SLC25A27: variants seen among roughly 807,000 people sequenced by gnomAD.
SLC25A27 encodes the protein mitochondrial uncoupling protein 4.
SLC25A27 carries 35 observed loss-of-function variants against 49.1 expected under a neutral mutation model. That is an observed-to-expected ratio of 0.71 (90% confidence interval 0.54 to 0.95). The LOEUF (loss-of-function observed/expected upper bound fraction) is 0.95. SLC25A27 is among the 40% of genes least tolerant of loss of function. The pLI is 0.00. For missense variants in SLC25A27, 339 were observed against 397.1 expected, an observed-to-expected ratio of 0.85 and a Z score of 1.24; for synonymous variants, 144 against 136.9, an observed-to-expected ratio of 1.05 and a Z score of -0.36.
chr6:46,670,068 A>G, intron 6 of SLC25A27, 67 bp from the exon 7 acceptor site: 1 of 938,036 alleles, frequency 1.1e-6, no homozygotes, highest in Admixed American at 2.5e-5. Flanking sequence ...TCTGAATACC[A>G]CATTCCCTTT....
In SLC25A27 at chr6:46,656,002, A is replaced by C; in HGVS notation, c.266A>C (p.Gln89Pro). 6.2e-7 allele frequency: 1 copy of C among 1,611,656 alleles called. No individual in the cohort carries two copies. The highest frequency in any genetic ancestry group is 8.5e-7 in the Non-Finnish European group (1 of 1,179,154). ...IEEEGFLKLW[Q>P]GVTPAIYRHV... is the part of the protein sequence containing the mutation. ...GAGGAAGGCTTTCTAAAGCTTTGGC[A>C]AGGAGTGACACCCGCCATTTACAGA... Residue 89 changes from glutamine to proline, a missense_variant, in exon 2 of 9, where the codon CAA (glutamine) becomes CCA (proline). Gln to Pro is a moderately conservative substitution (Grantham distance 76). Coordinates refer to ENST00000371347, the MANE Select transcript of SLC25A27 (RefSeq NM_004277.5).
intron 6 of SLC25A27, among the ~76,000 whole-genome samples, chr6:46,669,750 C>T (rs904306076): frequency 1.3e-5 from 2 of 152,202 alleles, no homozygotes; most frequent in African/African-American, 4.8e-5. Flanking sequence ...GGAGCTTTCC[C>T]TGACTGCCTG....
intron 6 of SLC25A27, 130 bp from the exon 7 acceptor site, chr6:46,670,005 A>T: frequency 1.8e-6 from 1 of 554,708 alleles, no homozygotes; most frequent in Non-Finnish European, 3.0e-6. Context: ...CATTAATTTT[A>T]AGCAAAAAGA....
At chr6:46,671,987 T>C (rs1763565461) in intron 8 of SLC25A27, among the ~76,000 whole-genome samples, 1 of 151,996 alleles carries the variant, frequency 6.6e-6, no homozygotes, top group African/African-American at 2.4e-5. Flanking sequence ...ATATGTATCT[T>C]TTTAATTGAG....
In SLC25A27 at chr6:46,665,405, G is replaced by A. The variant is rs181595663; in HGVS notation, c.619+519G>A. On this transcript the variant is annotated intron_variant, in intron 5 of 8. Coordinates refer to ENST00000371347, the MANE Select transcript of SLC25A27 (RefSeq NM_004277.5). ...TATTTCTTAAAAGTTTTTCCCCTCC[G>A]CCGGGTGCGGTGGCTCACACCTGTA... is the stretch of plus-strand genomic sequence containing the variant. Among the ~76,000 whole-genome samples the A allele has an allele frequency of 1.2e-3, 183 of 151,216 alleles. 2 individuals are homozygous for A. The highest frequency in any genetic ancestry group is 9.9e-3 in the Admixed American group (150 of 15,178).
intron 8 of SLC25A27, among the ~76,000 whole-genome samples, chr6:46,673,946 A>C (rs545561515): frequency 6.6e-6 from 1 of 152,300 alleles, no homozygotes; most frequent in East Asian, 1.9e-4. Context: ...TTTTAGGGAC[A>C]TTTATGGTTA....
At chr6:46,665,255 CT>C (rs1375596676) in intron 5 of SLC25A27, among the ~76,000 whole-genome samples, 1 of 152,150 alleles carries the variant, frequency 6.6e-6, no homozygotes, top group East Asian at 1.9e-4. Context: ...CCTGGCAATC[CT>C]GCTCCTATTC....
intron 5 of SLC25A27, among the ~76,000 whole-genome samples, chr6:46,665,513 G>T (rs1562038978): frequency 6.6e-6 from 1 of 151,940 alleles, no homozygotes; most frequent in African/African-American, 2.4e-5. Flanking sequence ...GTGAAACCCC[G>T]TCTCTACTAA....
intron 4 of SLC25A27, among the ~76,000 whole-genome samples, chr6:46,663,908 G>GTAT (rs1266062282): frequency 1.3e-5 from 2 of 152,142 alleles, no homozygotes; most frequent in Non-Finnish European, 1.5e-5. Context: ...AGAATTTTCA[G>GTAT]TATTAACATG....
rs1330364487 is a variant in SLC25A27 at position 46,677,985 on chromosome 6, T to A, written c.*1531T>A. Reference sequence around the variant, plus strand: ...AATCTCTTAAAATATTTAGATGGTCTACTTTTTCATTGAATTTGTCAATAT... The same window carrying A: ...AATCTCTTAAAATATTTAGATGGTCAACTTTTTCATTGAATTTGTCAATAT... On this transcript the variant is annotated 3_prime_UTR_variant, in exon 9 of 9. Coordinates refer to ENST00000371347, the MANE Select transcript of SLC25A27 (RefSeq NM_004277.5). 1 of 146,108 alleles carries A rather than the reference T, an allele frequency of 6.8e-6. No homozygotes were observed. Among genetic ancestry groups the A allele is most frequent in the African/African-American group, 2.5e-5 (1 of 39,510 alleles). The allele number at this position is 146,108 out of a possible 1,614,324, so 9.1% of individuals were successfully genotyped here.
At position 46,676,968 on chromosome 6, in the gene SLC25A27, G is replaced by A. The variant is rs992488339; in HGVS notation, c.*514G>A. On this transcript the variant is annotated 3_prime_UTR_variant, in exon 9 of 9. Transcript: ENST00000371347. ...CGTACATACTGTAAATTAAAGGGAG[G>A]TGAATGGAAATTAATGAATAAACAT... 3 of 341,052 alleles carry A rather than the reference G, an allele frequency of 8.8e-6. No individual in the cohort carries two copies. The highest frequency in any genetic ancestry group is 6.3e-5 in the African/African-American group (3 of 47,292). 21.1% of individuals were successfully genotyped at this position (341,052 alleles called of 1,614,324 possible).
At chr6:46,666,547 A>G (rs1040540761) in intron 5 of SLC25A27, among the ~76,000 whole-genome samples, 1 of 152,094 alleles carries the variant, frequency 6.6e-6, no homozygotes, top group East Asian at 1.9e-4. Flanking sequence ...TGTCTACTGT[A>G]TATTTGTGGA....
intron 8 of SLC25A27, 150 bp downstream of exon 8, chr6:46,671,378 T>C: frequency 2.1e-6 from 1 of 479,064 alleles, no homozygotes. Flanking sequence ...TTCTTTTATT[T>C]CCTTTCACTT....
rs775707337 is a variant in SLC25A27 at position 46,676,467 on chromosome 6, G to A, written c.*13G>A. On this transcript the variant is annotated 3_prime_UTR_variant, in exon 9 of 9. Transcript: ENST00000371347. ...CAGTCCATTTTAAACCCCTAAAGAT[G>A]CAACCCTTAAAGATACAGTGTTCAG... 5.0e-6 allele frequency: 8 copies of A among 1,613,738 alleles called. No individual in the cohort carries two copies. Among genetic ancestry groups the A allele is most frequent in the Non-Finnish European group, 5.9e-6 (7 of 1,179,758 alleles).
At chr6:46,656,093 C>A in intron 2 of SLC25A27, 59 bp downstream of exon 2, 2 of 1,420,160 alleles carry the variant, frequency 1.4e-6, no homozygotes, top group South Asian at 1.3e-5. Context: ...GTCTCCTGTG[C>A]TTTTCTGTTT....
At chr6:46,667,845 G>A (rs1261670423) in intron 5 of SLC25A27, among the ~76,000 whole-genome samples, 2 of 152,064 alleles carry the variant, frequency 1.3e-5, no homozygotes, top group Non-Finnish European at 2.9e-5. Flanking sequence ...TTACTTTATT[G>A]TCTCATCCCA....
chr6:46,658,803 A>C (rs187830649), intron 2 of SLC25A27, 159 bp from the exon 3 acceptor site: 3 of 640,874 alleles, frequency 4.7e-6, no homozygotes, highest in Non-Finnish European at 8.5e-6. Context: ...TTGGAGAAGC[A>C]TCAAGAAGCC....
chr6:46,656,366 T>A (rs1276153761), intron 2 of SLC25A27, among the ~76,000 whole-genome samples: 4 of 149,400 alleles, frequency 2.7e-5, no homozygotes, highest in Non-Finnish European at 5.9e-5. Context: ...TTTTTTTTTT[T>A]AGAGAGTCTC....
At position 46,653,323 on chromosome 6, in the gene SLC25A27, C is replaced by T. The variant is rs758310584; in HGVS notation, c.106+25C>T. On this transcript the variant is annotated intron_variant, in intron 1 of 8. Coordinates refer to ENST00000371347, the MANE Select transcript of SLC25A27 (RefSeq NM_004277.5). ...GGTACCCGGCTGCCCACGCCTGGGC[C>T]TCCCGGGCCAGTGGCACGCGCCGCG... 3 of 1,598,088 alleles carry T rather than the reference C, an allele frequency of 1.9e-6. No individual in the cohort carries two copies. In the South Asian group the frequency reaches 3.4e-5, roughly 18 times the overall value.
Sources: allele counts gnomAD v4.1 joint callset (sites outside exome capture counted in the v4.1 genomes callset), GRCh38; gene constraint gnomAD v4.1.1; transcripts MANE v1.5; gene names NCBI Gene and HGNC (gene_info 2026-07-23, HGNC 2026-07-21).